Variants in CREB5 observed in about 807,000 individuals in gnomAD.
CREB5 encodes cyclic AMP-responsive element-binding protein 5.
In CREB5, 19 loss-of-function variants were observed where a neutral mutation model predicts 57.1. The ratio of observed to expected loss-of-function variants is 0.33; its 90% CI spans 0.23 to 0.49. CREB5 has a LOEUF of 0.49. CREB5 is among the 20% of genes least tolerant of loss of function. The pLI is 0.99. For missense variants in CREB5, 579 were observed against 671.6 expected (o/e 0.86, Z 1.52); for synonymous variants, 238 against 238.3 (o/e 1.00, Z 0.01).
rs1213306943 is a variant in CREB5, at chr7:28,825,694, A to T, written c.*6415A>T. On this transcript the variant is annotated 3_prime_UTR_variant, in exon 11 of 11. Coordinates refer to ENST00000357727, the MANE Select transcript of CREB5 (RefSeq NM_182898.4). ...ATGTAAATACTTGCTGCAGCATTTA[A>T]TATGTTTAATTTTGTGTTAAGCTTT... is the stretch of plus-strand genomic sequence containing the variant. The T allele has an allele frequency of 6.6e-6, 1 of 152,618 alleles. No homozygotes were observed. Among genetic ancestry groups the T allele is most frequent in the Non-Finnish European group, 1.5e-5 (1 of 68,038 alleles). The allele number at this position is 152,618 out of a possible 1,614,324, so 9.5% of individuals were successfully genotyped here.
At position 28,601,156 on chromosome 7, in the gene CREB5, C is replaced by T. The variant is rs145830894; in HGVS notation, c.464+30619C>T. 5.5e-3 allele frequency among the ~76,000 whole-genome samples: 831 copies of T among 151,444 alleles called. 8 individuals are homozygous for T. The highest frequency in any genetic ancestry group is 6.2e-3 in the Non-Finnish European group (424 of 67,984). On this transcript the variant is annotated intron_variant, in intron 5 of 10. Transcript: ENST00000357727. The stretch of plus-strand genomic sequence containing the variant: ...AGAAAGTTGGACCTTCCTTCATTTC[C>T]CTTATTATTATTATTTTTTTTTTTG...
upstream of CREB5, among the ~76,000 whole-genome samples, chr7:28,412,188 T>G (rs1315537818): frequency 6.6e-6 from 1 of 152,232 alleles, no homozygotes; most frequent in African/African-American, 2.4e-5. Context: ...AATAATAAGC[T>G]CTATTAACAG....
intron 9 of CREB5, among the ~76,000 whole-genome samples, chr7:28,817,818 A>T (rs1809527240): frequency 6.6e-6 from 1 of 152,148 alleles, no homozygotes; most frequent in African/African-American, 2.4e-5. Context: ...CCATCACCTA[A>T]GGGTGTGGTC....
At chr7:28,643,750 G>GC (rs1798773750) in intron 5 of CREB5, among the ~76,000 whole-genome samples, 1 of 89,508 alleles carries the variant, frequency 1.1e-5, no homozygotes, top group Non-Finnish European at 2.4e-5. Context: ...GGTTTGGGAG[G>GC]TGGGGGGGGG....
chr7:28,522,329 A>G lies in CREB5; in HGVS notation c.291+14592A>G, dbSNP rs549806814. The stretch of plus-strand genomic sequence containing the variant: ...GGAAGCTTTTGCAGAACATCAAGCC[A>G]TGCTTGACCTTGACAAACACATGAA... On this transcript the variant is annotated intron_variant, in intron 4 of 10. Coordinates refer to ENST00000357727, the MANE Select transcript of CREB5 (RefSeq NM_182898.4). Among the ~76,000 whole-genome samples, 26 of 151,270 alleles carry G rather than the reference A, an allele frequency of 1.7e-4. No individual in the cohort carries two copies. In the East Asian group the frequency reaches 3.5e-3, roughly 20 times the overall value.
chr7:28,369,883 A>T (rs900662091), intron 1 of CREB5, among the ~76,000 whole-genome samples: 14 of 152,158 alleles, frequency 9.2e-5, no homozygotes, highest in Non-Finnish European at 2.9e-5. Flanking sequence ...CAATGCTTCA[A>T]TAAATCATGG....
chr7:28,667,264 G>C lies in CREB5; in HGVS notation c.465-51489G>C, dbSNP rs1190095328. On this transcript the variant is annotated intron_variant, in intron 5 of 10. Transcript: ENST00000357727. ...TCAAGGATACTATTTATTGGCATGAGTGTGTTCTTGTAAGCACTTACCCTT... is the reference window on the plus strand; with the variant it reads ...TCAAGGATACTATTTATTGGCATGACTGTGTTCTTGTAAGCACTTACCCTT... 2.6e-5 allele frequency among the ~76,000 whole-genome samples: 4 copies of C among 151,162 alleles called. No homozygotes were observed. The East Asian group carries it at 7.7e-4, about 29-fold the overall frequency.
rs144766460 is a variant in CREB5 at position 28,316,502 on chromosome 7, C to A, written c.-25+17061C>A. Among the ~76,000 whole-genome samples the A allele has an allele frequency of 9.2e-5, 14 of 151,836 alleles. No individual in the cohort carries two copies. The East Asian group carries it at 2.5e-3, about 27-fold the overall frequency. On this transcript the variant is annotated intron_variant, in intron 1 of 9. Transcript: ENST00000396299. Reference sequence around the variant, plus strand: ...TCAATCAGGATAGGGAGCTTGGGAACTAAATATTGTCTTTGTTAGGAGTCA... The same window carrying A: ...TCAATCAGGATAGGGAGCTTGGGAAATAAATATTGTCTTTGTTAGGAGTCA...
At chr7:28,771,723 T>C (rs1445578795) in intron 7 of CREB5, among the ~76,000 whole-genome samples, 1 of 146,302 alleles carries the variant, frequency 6.8e-6, no homozygotes, top group African/African-American at 2.5e-5. Context: ...GACCTGGCAC[T>C]TCATAATGTT....
intron 1 of CREB5, among the ~76,000 whole-genome samples, chr7:28,316,117 G>A (rs749776937): frequency 7.9e-5 from 12 of 152,202 alleles, no homozygotes; most frequent in Non-Finnish European, 1.8e-4. Context: ...AGGCGGGTGG[G>A]ATGCCATTGC....
chr7:28,310,243 C>T (rs1280914608), intron 1 of CREB5, among the ~76,000 whole-genome samples: 1 of 152,222 alleles, frequency 6.6e-6, no homozygotes, highest in South Asian at 2.1e-4. Context: ...TTCATGCAAA[C>T]TTTTACTCAG....
chr7:28,592,918 C>T (rs923385817), intron 5 of CREB5, among the ~76,000 whole-genome samples: 18 of 152,090 alleles, frequency 1.2e-4, no homozygotes, highest in African/African-American at 1.9e-4. Flanking sequence ...GAGGAGACTT[C>T]GGCACAGAGA....
At chr7:28,337,811 G>T (rs1228913863) in intron 1 of CREB5, among the ~76,000 whole-genome samples, 3 of 152,084 alleles carry the variant, frequency 2.0e-5, no homozygotes, top group Non-Finnish European at 2.9e-5. Flanking sequence ...GTTAGTGAAG[G>T]TGATTTTCAC....
intron 1 of CREB5, among the ~76,000 whole-genome samples, chr7:28,425,563 G>A (rs1292564050): frequency 2.0e-5 from 3 of 152,188 alleles, no homozygotes; most frequent in Non-Finnish European, 4.4e-5. Context: ...TAGATTGCAT[G>A]CTTTAAGTGA....
chr7:28,561,025 C>CGTGCGTGTGCGTGT, intron 4 of CREB5, among the ~76,000 whole-genome samples: 1 of 49,716 alleles, frequency 2.0e-5, no homozygotes, highest in South Asian at 8.7e-4. Flanking sequence ...TGCGTGTGTG[C>CGTGCGTGTGCGTGT]GTGTGTGTGT....
At position 28,709,709 on chromosome 7, in the gene CREB5, G is replaced by A. The variant is rs373856154; in HGVS notation, c.465-9044G>A. On this transcript the variant is annotated intron_variant, in intron 5 of 10. Transcript: ENST00000357727. ...ATTAAAAAAAAAAAAAGAAGAAGAA[G>A]TTATCGTTTGCAAAATAACAGATAC... Among the ~76,000 whole-genome samples the A allele has an allele frequency of 3.3e-5, 5 of 151,486 alleles. No individual in the cohort carries two copies. The East Asian group carries it at 5.8e-4, about 18-fold the overall frequency.
At chr7:28,328,742 A>G (rs1785658234) in intron 1 of CREB5, among the ~76,000 whole-genome samples, 3 of 152,368 alleles carry the variant, frequency 2.0e-5, no homozygotes, top group Middle Eastern at 6.8e-3. Context: ...TAAAAGGCAG[A>G]TCACTACCAG....
intron 1 of CREB5, among the ~76,000 whole-genome samples, chr7:28,344,075 T>C (rs1031701495): frequency 2.6e-5 from 4 of 151,850 alleles, no homozygotes; most frequent in Non-Finnish European, 1.5e-5. Context: ...TTGAGTTGAG[T>C]TCATTATATG....
At chr7:28,419,330 A>G (rs911427264) in intron 1 of CREB5, among the ~76,000 whole-genome samples, 2 of 152,234 alleles carry the variant, frequency 1.3e-5, no homozygotes, top group African/African-American at 4.8e-5. Flanking sequence ...TTGTCGTGCC[A>G]ATGTACTGTC....
Sources: gnomAD v4.1 joint callset for allele counts (sites outside exome capture counted in the v4.1 genomes callset) on GRCh38, gnomAD v4.1.1 for gene constraint, MANE v1.5 for transcripts, NCBI Gene and HGNC (gene_info 2026-07-23, HGNC 2026-07-21) for gene names.